UGT1A4: variants seen among roughly 807,000 people sequenced by gnomAD.
UGT1A4 encodes the protein UDP glucuronosyltransferase family 1 member A4, also known as UDP-glucuronosyltransferase 1A4.
Under a neutral mutation model 41.1 loss-of-function variants are expected in UGT1A4, and 32 were observed. The observed-to-expected ratio is 0.78, with a 90% CI of 0.59 to 1.05. The LOEUF (loss-of-function observed/expected upper bound fraction) is 1.05, where lower values mean the gene tolerates loss of function less well. Among genes scored for constraint, UGT1A4 ranks in the 50% least tolerant of loss-of-function variants. UGT1A4 has a pLI of 0.00. For synonymous variants in UGT1A4, 283 were observed against 265.1 expected (o/e 1.07, Z -0.66); for missense variants, 748 against 677.4 (o/e 1.10, Z -1.16).
At chr2:233,720,075 T>C (rs1197503417) in intron 1 of UGT1A4, among the ~76,000 whole-genome samples, 1 of 152,184 alleles carries the variant, frequency 6.6e-6, no homozygotes, top group Admixed American at 6.5e-5. Flanking sequence ...ATTAGAATTG[T>C]GGACATGATA....
chr2:233,723,946 G>C (rs1413540924), intron 1 of UGT1A4, among the ~76,000 whole-genome samples: 2 of 53,094 alleles, frequency 3.8e-5, no homozygotes, highest in Non-Finnish European at 6.6e-5. Flanking sequence ...ACACAGACAC[G>C]GCAACCATCC....
At chr2:233,726,442 TC>T (rs1229144566) in intron 1 of UGT1A4, among the ~76,000 whole-genome samples, 1 of 152,218 alleles carries the variant, frequency 6.6e-6, no homozygotes, top group Non-Finnish European at 1.5e-5. Flanking sequence ...TCTTATTCTT[TC>T]CACTGAATGT....
intron 1 of UGT1A4, among the ~76,000 whole-genome samples, chr2:233,740,219 C>T (rs1379344559): frequency 6.6e-6 from 1 of 151,748 alleles, no homozygotes; most frequent in African/African-American, 2.4e-5. Context: ...GTCTCAGCTG[C>T]GTCTTTATAG....
chr2:233,772,307 C>G lies in UGT1A4; in HGVS notation c.1353C>G (p.Arg451=), dbSNP rs1321809873. The G allele has an allele frequency of 6.2e-7, 1 of 1,614,232 alleles. No homozygotes were observed. The highest frequency in any genetic ancestry group is 1.7e-5 in the Admixed American group (1 of 60,028). Residue 451 remains arginine (R), a synonymous_variant, in exon 5 of 5, where the codon CGC becomes CGG. Coordinates refer to ENST00000373409, the MANE Select transcript of UGT1A4 (RefSeq NM_007120.3). ...IMRLSSLHKD[R]PVEPLDLAVF... ...GCCTCTCCAGCCTTCACAAGGACCGCCCGGTGGAGCCGCTGGACCTGGCCG... is the reference window on the plus strand; with the variant it reads ...GCCTCTCCAGCCTTCACAAGGACCGGCCGGTGGAGCCGCTGGACCTGGCCG...
intron 1 of UGT1A4, among the ~76,000 whole-genome samples, chr2:233,750,222 G>A (rs1326774834): frequency 6.6e-6 from 1 of 151,918 alleles, no homozygotes; most frequent in Non-Finnish European, 1.5e-5. Flanking sequence ...AGATGGAGAT[G>A]AGGAACTTAT....
chr2:233,725,586 A>C (rs1194596370), intron 1 of UGT1A4, among the ~76,000 whole-genome samples: 1 of 152,166 alleles, frequency 6.6e-6, no homozygotes, highest in Non-Finnish European at 1.5e-5. Flanking sequence ...TTATGACTTA[A>C]CTATTTGACA....
At chr2:233,764,298 G>A (rs1320441199) in intron 1 of UGT1A4, among the ~76,000 whole-genome samples, 1 of 152,076 alleles carries the variant, frequency 6.6e-6, no homozygotes, top group African/African-American at 2.4e-5. Flanking sequence ...GTGAAGTCAG[G>A]GTGAAGTTTA....
chr2:233,729,144 G>C, intron 1 of UGT1A4: 1 of 1,613,472 alleles, frequency 6.2e-7, no homozygotes, highest in Non-Finnish European at 8.5e-7. Flanking sequence ...CAGGACTCCA[G>C]GTTCCCCTGC....
rs1430116082 is a variant in UGT1A4 at position 233,769,294 on chromosome 2, T to A, written c.1307+855T>A. ...AGGGCAAATGATTTCTGGATTAAAGTTAGTATATTACTGTCAAGCTCACTG... is the reference window on the plus strand; with the variant it reads ...AGGGCAAATGATTTCTGGATTAAAGATAGTATATTACTGTCAAGCTCACTG... On this transcript the variant is annotated intron_variant, in intron 4 of 4. Coordinates refer to ENST00000373409, the MANE Select transcript of UGT1A4 (RefSeq NM_007120.3). This position sits in a 1 kb window ranked among gnomAD's most constrained non-coding sequence, Gnocchi z 4.4. Among the ~76,000 whole-genome samples, 2 of 152,234 alleles carry A rather than the reference T, an allele frequency of 1.3e-5. No homozygotes were observed. The highest frequency in any genetic ancestry group is 4.8e-5 in the African/African-American group (2 of 41,454).
intron 1 of UGT1A4, chr2:233,760,364 A>G (rs1697418455): frequency 1.9e-6 from 3 of 1,614,036 alleles, no homozygotes; most frequent in Non-Finnish European, 2.5e-6. Flanking sequence ...GTGGTGTCCC[A>G]TGCTGGGAAG....
intron 1 of UGT1A4, among the ~76,000 whole-genome samples, chr2:233,766,284 C>T (rs982809777): frequency 7.9e-5 from 12 of 151,766 alleles, no homozygotes; most frequent in Non-Finnish European, 1.8e-4. Context: ...GGCCCGGGCT[C>T]GGTGGCCTGG....
chr2:233,752,292 T>A (rs1364554395), intron 1 of UGT1A4: 1 of 152,220 alleles, frequency 6.6e-6, no homozygotes, highest in Non-Finnish European at 1.5e-5. Flanking sequence ...CACAGGGTCA[T>A]GCCTTTCCTT....
In UGT1A4 at chr2:233,748,102, A is replaced by G. The variant is rs1693867397; in HGVS notation, c.868-18932A>G. On this transcript the variant is annotated intron_variant, in intron 1 of 4. Coordinates refer to ENST00000373409, the MANE Select transcript of UGT1A4 (RefSeq NM_007120.3). Reference sequence around the variant, plus strand: ...CAGGTCGGTGTTCGTGCCTTCATCCAATCAATGTTCCAGGCAAAACAGTTT... The same window carrying G: ...CAGGTCGGTGTTCGTGCCTTCATCCGATCAATGTTCCAGGCAAAACAGTTT... The G allele has an allele frequency of 3.7e-6, 6 of 1,612,660 alleles. No homozygotes were observed. The Admixed American group carries it at 5.0e-5, about 13-fold the overall frequency.
intron 1 of UGT1A4, chr2:233,756,198 G>A (rs1023408746): frequency 6.6e-6 from 1 of 152,220 alleles, no homozygotes; most frequent in African/African-American, 2.4e-5. Context: ...TAGCAGAGTA[G>A]TCCCTGGTAT....
intron 2 of UGT1A4, among the ~76,000 whole-genome samples, 197 bp downstream of exon 2, chr2:233,767,362 A>G (rs916672959): frequency 6.6e-6 from 1 of 152,144 alleles, no homozygotes; most frequent in Non-Finnish European, 1.5e-5. Context: ...CAAATACTCT[A>G]TTAAACTATG....
intron 1 of UGT1A4, among the ~76,000 whole-genome samples, chr2:233,763,075 G>T (rs563223055): frequency 6.6e-6 from 1 of 152,130 alleles, no homozygotes; most frequent in Non-Finnish European, 1.5e-5. Flanking sequence ...CCTTCTTTGC[G>T]TGAGGATGTT....
In UGT1A4 at chr2:233,769,577, T is replaced by C. The variant is rs780547888; in HGVS notation, c.1307+1138T>C. 1 of 1,612,862 alleles carries C rather than the reference T, an allele frequency of 6.2e-7. No homozygotes were observed. The highest frequency in any genetic ancestry group is 1.1e-5 in the South Asian group (1 of 91,064). ...ACAGATGTGAAGAGCTGGAGCATGTTCAGATGAGAGGAGACGGAACACGGG... is the reference window on the plus strand; with the variant it reads ...ACAGATGTGAAGAGCTGGAGCATGTCCAGATGAGAGGAGACGGAACACGGG... On this transcript the variant is annotated intron_variant, in intron 4 of 4. Transcript: ENST00000373409. The surrounding 1 kb of genome is among the most constrained non-coding windows in gnomAD (Gnocchi z 4.4).
At position 233,760,866 on chromosome 2, in the gene UGT1A4, G is replaced by A. The variant is rs1437871677; in HGVS notation, c.868-6168G>A. On this transcript the variant is annotated intron_variant, in intron 1 of 4. Transcript: ENST00000373409. ...AGTGCCCCAACCCATTCTCCTACGT[G>A]CCCAGGCCTCTCTCCTCTCATTCAG... is the stretch of plus-strand genomic sequence containing the variant. 3.7e-6 allele frequency: 6 copies of A among 1,613,948 alleles called. No homozygotes were observed. In the African/African-American group the frequency reaches 8.0e-5, roughly 22 times the overall value.
At position 233,718,952 on chromosome 2, in the gene UGT1A4, G is replaced by A. The variant is rs773069421; in HGVS notation, c.132G>A (p.Met44Ile). The stretch of plus-strand genomic sequence containing the variant: ...CTGATGGCAGCCCCTGGCTCAGCAT[G>A]CGGGAGGCCTTGCGGGAGCTCCATG... Reference protein sequence around the residue: ...VPTDGSPWLSMREALRELHAR... With the variant: ...VPTDGSPWLSIREALRELHAR... The change falls in exon 1 of 5, where the codon ATG becomes ATA. Residue 44 changes from methionine to isoleucine, a missense_variant. Transcript: ENST00000373409. 25 of 1,614,082 alleles carry A rather than the reference G, an allele frequency of 1.5e-5. No homozygotes were observed. In the Admixed American group the frequency reaches 2.2e-4, roughly 14 times the overall value.
Sources: gnomAD v4.1 joint callset for allele counts (sites outside exome capture counted in the v4.1 genomes callset) on GRCh38, gnomAD v4.1.1 for gene constraint, Gnocchi (gnomAD v3.1) non-coding constraint, MANE v1.5 for transcripts, NCBI Gene and HGNC (gene_info 2026-07-23, HGNC 2026-07-21) for gene names.